Variants in MGA observed in about 807,000 individuals in gnomAD.
MGA encodes the protein MAX gene-associated protein.
Under a neutral mutation model 261.1 loss-of-function variants are expected in MGA, and 40 were observed. The observed-to-expected ratio is 0.15, with a 90% CI of 0.12 to 0.20. The LOEUF is 0.20. Among genes scored for constraint, MGA ranks in the 10% least tolerant of loss-of-function variants. MGA has a pLI of 1.00. For missense variants in MGA, 3,397 were observed against 3,630.5 expected (o/e 0.94, Z 1.65); for synonymous variants, 1,302 against 1,290.6 (o/e 1.01, Z -0.19).
intron 2 of MGA, among the ~76,000 whole-genome samples, chr15:41,673,185 T>G (rs937463084): frequency 6.6e-6 from 1 of 152,122 alleles, no homozygotes; most frequent in Non-Finnish European, 1.5e-5. Context: ...TTTCCTAGTA[T>G]TATGCTCTCG....
chr15:41,739,842 C>G, intron 13 of MGA, 64 bp from the exon 14 acceptor site: 2 of 1,502,714 alleles, frequency 1.3e-6, no homozygotes, highest in Non-Finnish European at 1.8e-6. Flanking sequence ...AAGCCCCTGT[C>G]AAGGGAGAGG....
chr15:41,693,593 A>G (rs2059403830), intron 2 of MGA, among the ~76,000 whole-genome samples: 1 of 152,144 alleles, frequency 6.6e-6, no homozygotes, highest in African/African-American at 2.4e-5. Context: ...TAGTGAAAAA[A>G]ATAGTACTTC....
chr15:41,626,889 A>C (rs1254298723), intron 1 of MGA, among the ~76,000 whole-genome samples: 1 of 151,994 alleles, frequency 6.6e-6, no homozygotes, highest in Admixed American at 6.6e-5. Context: ...TTTGAGATGG[A>C]GTCTCTCTCT....
At chr15:41,746,847 T>G (rs1450311998) in intron 15 of MGA, among the ~76,000 whole-genome samples, 1 of 152,074 alleles carries the variant, frequency 6.6e-6, no homozygotes, top group Non-Finnish European at 1.5e-5. Context: ...TTTATTAATG[T>G]TAAATAAGCC....
rs1342192905 is a variant in MGA, at chr15:41,748,830, G to A, written c.5406G>A (p.Arg1802=). 4.3e-6 allele frequency: 7 copies of A among 1,613,952 alleles called. No homozygotes were observed. Among genetic ancestry groups the A allele is most frequent in the Non-Finnish European group, 5.9e-6 (7 of 1,179,886 alleles). ...GTCCAAGTGGAATGAACTTATTCAG[G>A]CACCCTAATGGGCAGATTGTCCAGC... is the stretch of plus-strand genomic sequence containing the variant. The change falls in exon 16 of 24, where the codon AGG becomes AGA. Residue 1802 remains arginine (R), a synonymous_variant. Coordinates refer to ENST00000219905, the MANE Select transcript of MGA (RefSeq NM_001164273.2).
chr15:41,655,452 C>T (rs1479202773), upstream of MGA, among the ~76,000 whole-genome samples: 8 of 152,126 alleles, frequency 5.3e-5, no homozygotes, highest in Non-Finnish European at 1.2e-4. Flanking sequence ...AGATTACAGG[C>T]GTGAGCCACC....
chr15:41,727,130 A>G, intron 9 of MGA, 50 bp from the exon 10 acceptor site: 1 of 1,469,672 alleles, frequency 6.8e-7, no homozygotes, highest in South Asian at 1.3e-5. Flanking sequence ...CTCAGTATTG[A>G]TCTTTTGTTG....
At position 41,748,253 on chromosome 15, in the gene MGA, T is replaced by TA. The variant is rs67071175; in HGVS notation, c.5213-371dup. Among the ~76,000 whole-genome samples the TA allele has an allele frequency of 8.1e-4, 119 of 147,344 alleles. 1 individual carries two copies. The highest frequency in any genetic ancestry group is 3.2e-3 in the South Asian group (15 of 4,690). ...GGTGACAAGTGCAACCCTGCCTCTT[T>TA]AAAAAAAAAAAAATATAGACTGGGC... On this transcript the variant is annotated intron_variant, in intron 15 of 23. Coordinates refer to ENST00000219905, the MANE Select transcript of MGA (RefSeq NM_001164273.2).
At position 41,707,867 on chromosome 15, in the gene MGA, T is replaced by A; in HGVS notation, c.2320+8T>A. On this transcript the variant is annotated splice_region_variant and intron_variant, in intron 6 of 23. Transcript: ENST00000219905. ...CCAACCCTGCCTCTCCTGGTGAGTA[T>A]GTAACATTTGTAAAGTCAAACACTA... is the stretch of plus-strand genomic sequence containing the variant. 2.5e-6 allele frequency: 4 copies of A among 1,595,208 alleles called. No homozygotes were observed. Among genetic ancestry groups the A allele is most frequent in the Non-Finnish European group, 3.4e-6 (4 of 1,175,172 alleles).
chr15:41,661,300 G>A lies in MGA; in HGVS notation c.-68+775G>A, dbSNP rs555127791. ...CTGTTAAATGGTCAAGTAGGTCTCT[G>A]CCCTCAGTGCAAGGTATCTGGGACA... is the stretch of plus-strand genomic sequence containing the variant. On this transcript the variant is annotated intron_variant, in intron 1 of 23. Transcript: ENST00000219905. Among the ~76,000 whole-genome samples the A allele has an allele frequency of 8.3e-4, 126 of 152,220 alleles. 1 individual carries two copies. The highest frequency in any genetic ancestry group is 1.4e-3 in the Non-Finnish European group (95 of 68,018).
At chr15:41,652,275 C>T (rs1224013950) in intron 1 of MGA, among the ~76,000 whole-genome samples, 4 of 149,516 alleles carry the variant, frequency 2.7e-5, no homozygotes, top group African/African-American at 4.9e-5. Context: ...GCCTGGCCTC[C>T]TCTTTCCCCT....
rs1255571619 is a variant in MGA, at chr15:41,749,566, G to A, written c.5959G>A (p.Glu1987Lys). ...AGATGAAACAAACTCAATAAAAAGA[G>A]AGCAAGAAACGAAGAAGGTTCTACA... is the stretch of plus-strand genomic sequence containing the variant. The change falls in exon 17 of 24, where the codon GAG (glutamate) becomes AAG (lysine). Residue 1987 changes from glutamate to lysine, a missense_variant. By Grantham distance (56) the Glu-to-Lys change is moderately conservative. Transcript: ENST00000219905. The A allele has an allele frequency of 1.2e-6, 2 of 1,613,956 alleles. No individual in the cohort carries two copies. The highest frequency in any genetic ancestry group is 8.5e-7 in the Non-Finnish European group (1 of 1,179,886).
chr15:41,697,637 A>AACTTCTGGCCTCCAGCAGTCTGCCT (rs1381683195), intron 3 of MGA, among the ~76,000 whole-genome samples: 1 of 151,768 alleles, frequency 6.6e-6, no homozygotes, highest in East Asian at 1.9e-4. Context: ...GCTAATTTCT[A>AACTTCTGGCCTCCAGCAGTCTGCCT]ACTTCTGGCC....
In MGA at chr15:41,748,568, G is replaced by T. The variant is rs1037453281; in HGVS notation, c.5213-69G>T. ...AAGACTGTGTCTTAAAAAATATTATGAATACTTTTTTTTCCTACGTGTGTT... is the reference window on the plus strand; with the variant it reads ...AAGACTGTGTCTTAAAAAATATTATTAATACTTTTTTTTCCTACGTGTGTT... On this transcript the variant is annotated intron_variant, in intron 15 of 23. Coordinates refer to ENST00000219905, the MANE Select transcript of MGA (RefSeq NM_001164273.2). The T allele has an allele frequency of 5.4e-6, 8 of 1,485,082 alleles. No homozygotes were observed. In the African/African-American group the frequency reaches 9.8e-5, roughly 18 times the overall value. The allele number at this position is 1,485,082 out of a possible 1,614,324, so 92.0% of individuals were successfully genotyped here.
chr15:41,702,554 ACTT>A (rs2059907578), intron 5 of MGA, among the ~76,000 whole-genome samples: 3 of 152,328 alleles, frequency 2.0e-5, no homozygotes, highest in African/African-American at 7.2e-5. Context: ...TAGCAGTTAA[ACTT>A]CTTCTGAGCT....
rs1429768785 is a variant in MGA at position 41,734,376 on chromosome 15, AG to A, written c.3844-145del. ...CCAGGGTTTTATATGATAGTAACGT[AG>A]ATGTGCATGTGGATTGAAGCTGTTG... is the stretch of plus-strand genomic sequence containing the variant. On this transcript the variant is annotated intron_variant, in intron 11 of 23. Coordinates refer to ENST00000219905, the MANE Select transcript of MGA (RefSeq NM_001164273.2). 2.1e-5 allele frequency: 14 copies of A among 677,966 alleles called. No homozygotes were observed. In the East Asian group the frequency reaches 4.0e-4, roughly 19 times the overall value. The allele number at this position is 677,966 out of a possible 1,614,324, so 42.0% of individuals were successfully genotyped here. A position where few individuals can be genotyped will look rare whatever the true frequency, so the allele number is the denominator to read the frequency against.
At chr15:41,762,461 G>GCTTTT (rs2063522826) in intron 22 of MGA, 99 bp downstream of exon 22, 1 of 125,094 alleles carries the variant, frequency 8.0e-6, no homozygotes, top group African/African-American at 6.6e-5. Flanking sequence ...GTTTTGTGTG[G>GCTTTT]TTTTTTTTTT....
At chr15:41,672,630 A>G (rs909329609) in intron 2 of MGA, among the ~76,000 whole-genome samples, 3 of 152,230 alleles carry the variant, frequency 2.0e-5, no homozygotes, top group Non-Finnish European at 2.9e-5. Flanking sequence ...GTGTGTGAAA[A>G]TGGTATTTAG....
Position 41,725,853 on chromosome 15 carries a change from AAAATAAATAAAT to A in MGA, c.3431-1312_3431-1301del, listed in dbSNP as rs1336939044. ...CCGTCTCAAAAAAAAAAAAAAAAAA[AAAATAAATAAAT>A]AAATAAATAAATAAGTAAACCCAGG... On this transcript the variant is annotated intron_variant, in intron 9 of 23. Coordinates refer to ENST00000219905, the MANE Select transcript of MGA (RefSeq NM_001164273.2). Among the ~76,000 whole-genome samples, 52 of 24,236 alleles carry A rather than the reference AAAATAAATAAAT, an allele frequency of 2.1e-3. 5 individuals carry two copies. Among genetic ancestry groups the A allele is most frequent in the East Asian group, 9.1e-3 (3 of 328 alleles). 15.9% of individuals were successfully genotyped at this position (24,236 alleles called of 152,430 possible).
Sources: gnomAD v4.1 joint callset for allele counts (sites outside exome capture counted in the v4.1 genomes callset) on GRCh38, gnomAD v4.1.1 for gene constraint, MANE v1.5 for transcripts, NCBI Gene and HGNC (gene_info 2026-07-23, HGNC 2026-07-21) for gene names.